Variants in BET1 observed in about 807,000 individuals in gnomAD.
The protein encoded by BET1 is Bet1 golgi vesicular membrane trafficking protein, also known as BET1 homolog.
A neutral mutation model predicts 13.9 loss-of-function variants in BET1; 9 were observed. The observed-to-expected ratio is 0.65, with a 90% CI of 0.39 to 1.13. BET1 has a LOEUF of 1.13. Ranked by LOEUF, BET1 falls within the 50% of genes most tolerant of loss-of-function variation. The pLI is 0.01. For missense variants in BET1, 127 were observed against 133.6 expected, an observed-to-expected ratio of 0.95 and a Z score of 0.24; for synonymous variants, 39 against 47.3, an observed-to-expected ratio of 0.82 and a Z score of 0.72.
intron 4 of BET1, among the ~76,000 whole-genome samples, chr7:93,977,569 C>T (rs4729105): frequency 0.42 from 64,450 of 151,942 alleles, 15,070 homozygotes; most frequent in African/African-American, 0.63. Context: ...TGTACTTTGA[C>T]CATTTACTCA....
At chr7:94,002,590 T>C (rs1795934498) in intron 1 of BET1, among the ~76,000 whole-genome samples, 1 of 152,138 alleles carries the variant, frequency 6.6e-6, no homozygotes, top group East Asian at 1.9e-4. Context: ...CCCAAGGGAT[T>C]CTAATGTACA....
chr7:93,969,868 G>A (rs1191786458), intron 6 of BET1, among the ~76,000 whole-genome samples: 1 of 151,574 alleles, frequency 6.6e-6, no homozygotes, highest in Non-Finnish European at 1.5e-5. Context: ...TGCCCTACTT[G>A]GTCTCATTGA....
intron 2 of BET1, among the ~76,000 whole-genome samples, chr7:93,997,157 C>T (rs1309165878): frequency 6.6e-6 from 1 of 152,128 alleles, no homozygotes; most frequent in Non-Finnish European, 1.5e-5. Flanking sequence ...AAAGGCTTCA[C>T]TTCCAAGATA....
chr7:93,997,809 G>T (rs183115618), intron 2 of BET1, among the ~76,000 whole-genome samples: 2 of 152,288 alleles, frequency 1.3e-5, no homozygotes, highest in South Asian at 4.1e-4. Flanking sequence ...TATGCTAAGT[G>T]CTATATAGAA....
chr7:93,996,536 CTTTAT>C (rs1795775812), intron 2 of BET1, among the ~76,000 whole-genome samples: 1 of 151,790 alleles, frequency 6.6e-6, no homozygotes, highest in Non-Finnish European at 1.5e-5. Context: ...CTTCTTTCCT[CTTTAT>C]TTTAATTTCA....
At chr7:93,983,834 T>C (rs1042609909) in intron 4 of BET1, among the ~76,000 whole-genome samples, 1 of 152,176 alleles carries the variant, frequency 6.6e-6, no homozygotes, top group Admixed American at 6.5e-5. Flanking sequence ...CTTGACTGCA[T>C]TGGCAATAGC....
Position 94,004,291 on chromosome 7 carries a change from C to T in BET1, c.-75G>A. On this transcript the variant is annotated 5_prime_UTR_variant, in exon 1 of 4. Coordinates refer to ENST00000222547, the MANE Select transcript of BET1 (RefSeq NM_005868.6). ...GGAAACAGCTAGGGGCGACCCGGAC[C>T]GCGTCTTCAGTACCAGGGCCCAGCG... is the stretch of plus-strand genomic sequence containing the variant. The T allele has an allele frequency of 1.2e-6, 2 of 1,600,280 alleles. No homozygotes were observed. Among genetic ancestry groups the T allele is most frequent in the Middle Eastern group, 1.7e-4 (1 of 5,964 alleles).
exon 7 of BET1, chr7:93,963,927 A>C (rs1795135752): frequency 6.6e-6 from 1 of 152,004 alleles, no homozygotes; most frequent in Non-Finnish European, 1.5e-5. Context: ...TTAGCTAGGC[A>C]TGATGCTGTG....
intron 6 of BET1, among the ~76,000 whole-genome samples, chr7:93,972,014 A>T (rs1795265457): frequency 6.6e-6 from 1 of 151,602 alleles, no homozygotes; most frequent in African/African-American, 2.4e-5. Flanking sequence ...TTTTTTCTTA[A>T]AAAGGGGCTT....
chr7:93,977,252 G>A (rs1795354781), intron 4 of BET1, among the ~76,000 whole-genome samples: 1 of 152,082 alleles, frequency 6.6e-6, no homozygotes, highest in Non-Finnish European at 1.5e-5. Flanking sequence ...CTTGAGGCCA[G>A]GAGTTTGAGA....
intron 6 of BET1, chr7:93,972,386 A>C (rs569757888): frequency 7.2e-5 from 11 of 152,042 alleles, no homozygotes; most frequent in East Asian, 1.9e-4. Context: ...ACGCATCTTG[A>C]CACAAATTTT....
At chr7:93,993,105 T>TA, downstream of BET1, 1 of 980,176 alleles carries the variant, frequency 1.0e-6, no homozygotes, top group South Asian at 4.7e-5. Context: ...ATTTTTGAAA[T>TA]AGAGTCAAGA....
At chr7:93,985,328 G>A (rs920794365) in intron 4 of BET1, among the ~76,000 whole-genome samples, 1 of 152,102 alleles carries the variant, frequency 6.6e-6, no homozygotes. Flanking sequence ...TGTGACTTTC[G>A]GTTGTTTAAT....
chr7:93,986,706 T>C (rs1371592872), intron 4 of BET1, among the ~76,000 whole-genome samples: 1 of 152,176 alleles, frequency 6.6e-6, no homozygotes, highest in Non-Finnish European at 1.5e-5. Flanking sequence ...GGAAAACATA[T>C]ATAATGGTGG....
chr7:93,991,139 A>G (rs1795625809), downstream of BET1, among the ~76,000 whole-genome samples: 1 of 152,220 alleles, frequency 6.6e-6, no homozygotes, highest in Non-Finnish European at 1.5e-5. Flanking sequence ...AACAATAACC[A>G]CATGCCTTTT....
downstream of BET1, chr7:93,992,129 C>A: frequency 1.0e-5 from 10 of 985,276 alleles, no homozygotes; most frequent in Non-Finnish European, 1.2e-5. Flanking sequence ...GGAATCTCAG[C>A]AGACACAGTG....
At position 93,980,690 on chromosome 7, in the gene BET1, T is replaced by C. The variant is rs537398406; in HGVS notation, c.236-4590A>G. ...AATGGGAAAAGTTGAAATATTTTCCTTTAGGACCCAGAACAAGGCCAGGAT... is the reference window on the plus strand; with the variant it reads ...AATGGGAAAAGTTGAAATATTTTCCCTTAGGACCCAGAACAAGGCCAGGAT... On this transcript the variant is annotated intron_variant and NMD_transcript_variant, in intron 4 of 6. Transcript: ENST00000357520. 2.3e-3 allele frequency among the ~76,000 whole-genome samples: 356 copies of C among 152,274 alleles called. 2 individuals are homozygous for C. Among genetic ancestry groups the C allele is most frequent in the Non-Finnish European group, 3.3e-3 (223 of 68,024 alleles).
At chr7:93,983,736 A>C (rs940452953) in intron 4 of BET1, among the ~76,000 whole-genome samples, 2 of 152,196 alleles carry the variant, frequency 1.3e-5, no homozygotes, top group Non-Finnish European at 2.9e-5. Context: ...TACCCAATTC[A>C]ATTCTTCAGT....
chr7:93,976,648 G>T (rs983647425), intron 4 of BET1, among the ~76,000 whole-genome samples: 1 of 152,044 alleles, frequency 6.6e-6, no homozygotes, highest in Non-Finnish European at 1.5e-5. Flanking sequence ...TTGACCACAT[G>T]TGGTTAATAA....
Sources: gnomAD v4.1 joint callset for allele counts (sites outside exome capture counted in the v4.1 genomes callset) on GRCh38, gnomAD v4.1.1 for gene constraint, MANE v1.5 for transcripts, NCBI Gene and HGNC (gene_info 2026-07-23, HGNC 2026-07-21) for gene names.